The following RIF1 variants were observed in gnomAD, a reference collection of about 807,000 sequenced individuals.
RIF1 encodes replication timing regulatory factor 1.
Under a neutral mutation model 247.1 loss-of-function variants are expected in RIF1, and 45 were observed. That is an observed-to-expected ratio of 0.18 (90% CI 0.14 to 0.23). The LOEUF is 0.23. Among genes scored for constraint, RIF1 ranks in the 10% least tolerant of loss-of-function variants. The probability of loss-of-function intolerance (pLI) is 1.00; values close to 1 mark genes in which losing one functional copy is unlikely to be tolerated. For missense variants in RIF1, 2,967 were observed against 2,862.5 expected, an observed-to-expected ratio of 1.04 and a Z score of -0.83; for synonymous variants, 1,087 against 978.8, an observed-to-expected ratio of 1.11 and a Z score of -2.06.
At chr2:151,462,521 GTC>G in intron 29 of RIF1, 55 bp downstream of exon 29, 1 of 1,167,856 alleles carries the variant, frequency 8.6e-7, no homozygotes, top group South Asian at 1.5e-5. Context: ...CCATTATACA[GTC>G]TGTTAAACTG....
rs780724946 is a variant in RIF1 at position 151,497,630 on chromosome 2, C to CTAA, written c.*514-1712_*514-1710dup. The CTAA allele has an allele frequency of 1.0e-4, 161 of 1,572,378 alleles. No individual in the cohort carries two copies. In the East Asian group the frequency reaches 3.7e-3, roughly 36 times the overall value. ...TTTCTTTTCTTGCCAAAGTACCGAG[C>CTAA]TAATATTTTCTTGATTGTGTTTGAC... On this transcript the variant is annotated intron_variant and NMD_transcript_variant, in intron 10 of 13. Coordinates refer to the RIF1 transcript ENST00000454583.
chr2:151,439,695 C>T (rs1318801283), intron 14 of RIF1, among the ~76,000 whole-genome samples: 2 of 149,922 alleles, frequency 1.3e-5, no homozygotes, highest in Admixed American at 6.7e-5. Context: ...GTAAATACAC[C>T]ATTCTCAGCC....
chr2:151,414,392 T>TA (rs1384406786), intron 3 of RIF1, among the ~76,000 whole-genome samples: 1 of 152,234 alleles, frequency 6.6e-6, no homozygotes. Flanking sequence ...ATAGATACTT[T>TA]ATAAACGTTA....
At position 151,435,538 on chromosome 2, in the gene RIF1, G is replaced by T. The variant is rs770441655; in HGVS notation, c.1153G>T (p.Ala385Ser). Residue 385 changes from alanine (A) to serine (S), a missense_variant, in exon 11 of 36, where the codon GCT (alanine) becomes TCT (serine). By Grantham distance (99) the Ala-to-Ser change is moderately conservative. This residue lies in a region of RIF1 where 369 missense variants were observed against 322.0 expected (regional missense o/e 1.15). Transcript: ENST00000444746. The stretch of plus-strand genomic sequence containing the variant: ...ACCTCAGGGCAATTCGTGTCATGTA[G>T]CTACATCTCCAGGTTTAAATCCTAT... ...ASPQGNSCHV[A>S]TSPGLNPMTP... The T allele has an allele frequency of 1.2e-6, 2 of 1,610,830 alleles. No homozygotes were observed. Among genetic ancestry groups the T allele is most frequent in the Non-Finnish European group, 1.7e-6 (2 of 1,177,186 alleles).
At chr2:151,445,880 C>G (rs1043239119) in intron 19 of RIF1, among the ~76,000 whole-genome samples, 8 of 152,068 alleles carry the variant, frequency 5.3e-5, no homozygotes, top group African/African-American at 1.9e-4. Flanking sequence ...GACTTTATTA[C>G]TAGCTTAGGA....
rs149897961 is a variant in RIF1 at position 151,457,811 on chromosome 2, C to G, written c.2703C>G (p.Thr901=). The G allele has an allele frequency of 7.4e-6, 12 of 1,613,676 alleles. No homozygotes were observed. In the African/African-American group the frequency reaches 1.6e-4, roughly 22 times the overall value. Residue 901 remains threonine, a synonymous_variant, in exon 24 of 36, where the codon ACC becomes ACG. Transcript: ENST00000444746. ...EIIACLQFSY[T]GTYDSELLEQ... ...TTGCTTGTCTGCAATTCAGCTACAC[C>G]GGAACTTATGATAGTGAACTTCTTG...
chr2:151,458,800 C>T lies in RIF1; in HGVS notation c.2856-11C>T, dbSNP rs1180845609. On this transcript the variant is annotated splice_polypyrimidine_tract_variant and intron_variant, in intron 24 of 35. Transcript: ENST00000444746. Reference sequence around the variant, plus strand: ...TGACTTAAGGTATATATTTTATGTACTTTTTTAAAGACCAGTACTAACACA... The same window carrying T: ...TGACTTAAGGTATATATTTTATGTATTTTTTTAAAGACCAGTACTAACACA... 7.1e-6 allele frequency: 11 copies of T among 1,553,686 alleles called. No homozygotes were observed. Among genetic ancestry groups the T allele is most frequent in the South Asian group, 1.1e-5 (1 of 87,680 alleles).
chr2:151,439,998 A>G (rs760188689), intron 14 of RIF1, 29 bp from the exon 15 acceptor site: 14 of 890,192 alleles, frequency 1.6e-5, no homozygotes, highest in Non-Finnish European at 2.5e-5. Flanking sequence ...AAAAAAAAGA[A>G]CTATACCCTT....
At position 151,454,985 on chromosome 2, in the gene RIF1, A is replaced by C. The variant is rs1388975128; in HGVS notation, c.2435A>C (p.Tyr812Ser). The change falls in exon 22 of 36, where the codon TAT becomes TCT. Residue 812 changes from tyrosine to serine, a missense_variant. By Grantham distance (144) the Tyr-to-Ser change is moderately radical. This residue lies in a region of RIF1 where 2,028 missense variants were observed against 1,825.6 expected (regional missense o/e 1.11). Coordinates refer to ENST00000444746, the MANE Select transcript of RIF1 (RefSeq NM_018151.5). Reference protein sequence around the residue: ...SLFKLIVKVIYSFHTLSFKEA... With the variant: ...SLFKLIVKVISSFHTLSFKEA... ...TTTAAACTTATTGTGAAAGTGATCT[A>C]TTCTTTCCACACACTGAGCTTCAAG... 1 of 1,613,750 alleles carries C rather than the reference A, an allele frequency of 6.2e-7. No homozygotes were observed.
chr2:151,513,799 C>A, the RIF1 span: 1 of 781,506 alleles, frequency 1.3e-6, no homozygotes, highest in South Asian at 1.6e-5. Flanking sequence ...CCAGTTGTCA[C>A]AGATAGTGTC....
the RIF1 span, chr2:151,534,355 C>A: frequency 3.8e-6 from 6 of 1,562,188 alleles, no homozygotes; most frequent in African/African-American, 8.1e-5. Flanking sequence ...AGCAAGAGTA[C>A]AACTTCAAGG....
intron 9 of RIF1, among the ~76,000 whole-genome samples, chr2:151,432,142 G>A (rs1425754594): frequency 6.6e-6 from 1 of 152,052 alleles, no homozygotes; most frequent in East Asian, 1.9e-4. Context: ...CTGAGTAGCT[G>A]GTATTACAGG....
At chr2:151,532,590 A>C in the RIF1 span, among the ~76,000 whole-genome samples, 2 of 152,126 alleles carry the variant, frequency 1.3e-5, no homozygotes, top group African/African-American at 4.8e-5. Flanking sequence ...AGGATCATAT[A>C]AGGACAAAGG....
At chr2:151,455,448 G>A (rs1695027451) in intron 22 of RIF1, among the ~76,000 whole-genome samples, 1 of 152,154 alleles carries the variant, frequency 6.6e-6, no homozygotes, top group Non-Finnish European at 1.5e-5. Flanking sequence ...TGATAGATAG[G>A]AAAGCTTACT....
At chr2:151,459,889 A>C (rs1304382665) in intron 25 of RIF1, 111 bp from the exon 26 acceptor site, 3 of 900,260 alleles carry the variant, frequency 3.3e-6, no homozygotes, top group Non-Finnish European at 5.0e-6. Flanking sequence ...AATTAGAAAA[A>C]TTTTGACAAT....
intron 1 of RIF1, 127 bp downstream of exon 1, chr2:151,410,160 T>G (rs1685891844): frequency 4.6e-6 from 3 of 654,654 alleles, no homozygotes; most frequent in Non-Finnish European, 8.4e-6. Flanking sequence ...CTCCTCCCTC[T>G]GTTGAAAGCT....
chr2:151,430,647 G>A (rs1418701035), intron 9 of RIF1, among the ~76,000 whole-genome samples: 1 of 151,944 alleles, frequency 6.6e-6, no homozygotes, highest in African/African-American at 2.4e-5. Flanking sequence ...TAAAATACTG[G>A]TACATTTTGG....
At position 151,468,751 on chromosome 2, in the gene RIF1, C is replaced by T; in HGVS notation, c.6936C>T (p.Asn2312=). Reference sequence around the variant, plus strand: ...TCATTTTACCTCAGATTACATCAAACATGTGGTAAGTGGTTATTTAGGCTT... The same window carrying T: ...TCATTTTACCTCAGATTACATCAAATATGTGGTAAGTGGTTATTTAGGCTT... ...VDIILPQITS[N]MWARGLGQLI... The change falls in exon 33 of 36, where the codon AAC becomes AAT. Residue 2312 remains asparagine (N), a synonymous_variant. Transcript: ENST00000444746. 1 of 1,606,060 alleles carries T rather than the reference C, an allele frequency of 6.2e-7. No homozygotes were observed. Among genetic ancestry groups the T allele is most frequent in the Non-Finnish European group, 8.5e-7 (1 of 1,172,706 alleles).
intron 12 of RIF1, chr2:151,505,671 TAAC>T (rs2068243281): frequency 1.0e-6 from 1 of 967,198 alleles, no homozygotes; most frequent in Non-Finnish European, 1.7e-6. Flanking sequence ...TTAAAAAAAT[TAAC>T]AGTGTAAATA....
Sources: allele counts gnomAD v4.1 joint callset (sites outside exome capture counted in the v4.1 genomes callset), GRCh38; gene constraint gnomAD v4.1.1; regional missense constraint gnomAD v4.1.1; transcripts MANE v1.5; gene names NCBI Gene and HGNC (gene_info 2026-07-23, HGNC 2026-07-21).